The following ADAMTSL1 variants were observed in gnomAD, a reference collection of about 807,000 sequenced individuals.
The protein encoded by ADAMTSL1 is ADAMTS-like protein 1.
Under a neutral mutation model 201.8 loss-of-function variants are expected in ADAMTSL1, and 126 were observed. The observed-to-expected ratio is 0.62, with a 90% CI of 0.54 to 0.72. ADAMTSL1 has a LOEUF of 0.72. Among genes scored for constraint, ADAMTSL1 ranks in the 30% least tolerant of loss-of-function variants. The pLI, the probability that ADAMTSL1 is intolerant of heterozygous loss-of-function variation, is 0.00. For synonymous variants in ADAMTSL1, 1,121 were observed against 903.4 expected (o/e 1.24, Z -4.32); for missense variants, 2,679 against 2,277.8 (o/e 1.18, Z -3.59).
rs1277927773 is a variant in ADAMTSL1, at chr9:18,851,889, T to G, written c.4249+21912T>G. On this transcript the variant is annotated intron_variant, in intron 23 of 28. Coordinates refer to ENST00000380548, the MANE Select transcript of ADAMTSL1 (RefSeq NM_001040272.6). ...TGGTTGAGCCCACTGGCCCAGCTCC[T>G]GAGATTTTATCAGGAAGCTGCTGAT... Among the ~76,000 whole-genome samples the G allele has an allele frequency of 2.6e-5, 4 of 152,318 alleles. No homozygotes were observed. In the East Asian group the frequency reaches 7.7e-4, roughly 29 times the overall value.
chr9:18,292,493 G>A (rs1192303651), intron 2 of ADAMTSL1, among the ~76,000 whole-genome samples: 1 of 152,174 alleles, frequency 6.6e-6, no homozygotes, highest in African/African-American at 2.4e-5. Flanking sequence ...CTGTGAGGGT[G>A]TTGCCAAAGG....
intron 1 of ADAMTSL1, among the ~76,000 whole-genome samples, chr9:18,093,989 C>A (rs180741804): frequency 6.6e-6 from 1 of 152,046 alleles, no homozygotes. Context: ...GGCTCCCAGG[C>A]GGAATTCTAG....
intron 2 of ADAMTSL1, among the ~76,000 whole-genome samples, chr9:18,213,057 A>G (rs969334808): frequency 2.0e-5 from 3 of 152,206 alleles, no homozygotes; most frequent in Non-Finnish European, 4.4e-5. Flanking sequence ...TTAATGCAAG[A>G]CTTGACCATT....
chr9:18,590,465 A>G (rs1176157281), intron 4 of ADAMTSL1, among the ~76,000 whole-genome samples: 2 of 148,204 alleles, frequency 1.3e-5, no homozygotes, highest in Non-Finnish European at 3.0e-5. Context: ...CAAAAACTCA[A>G]CTTTTCGTTT....
chr9:18,468,877 C>T (rs3898100), intron 2 of ADAMTSL1, among the ~76,000 whole-genome samples: 85,643 of 151,990 alleles, frequency 0.56, 24,401 homozygotes, highest in African/African-American at 0.63. Context: ...CATTTGGAGA[C>T]GAATCAGATC....
intron 2 of ADAMTSL1, among the ~76,000 whole-genome samples, chr9:18,210,164 C>T (rs1829808362): frequency 6.6e-6 from 1 of 151,740 alleles, no homozygotes; most frequent in Non-Finnish European, 1.5e-5. Context: ...AGAATGAGCA[C>T]ATACATAGAC....
At chr9:18,349,137 C>T (rs1835851741) in intron 2 of ADAMTSL1, among the ~76,000 whole-genome samples, 3 of 152,144 alleles carry the variant, frequency 2.0e-5, no homozygotes, top group Admixed American at 2.0e-4. Context: ...AACCATCACA[C>T]TGACTGCATT....
At position 18,908,545 on chromosome 9, in the gene ADAMTSL1, G is replaced by T. The variant is rs780077017; in HGVS notation, c.5286G>T (p.Ala1762=). The change falls in exon 29 of 29, where the codon GCG becomes GCT. Residue 1762 remains alanine, a synonymous_variant. Coordinates refer to ENST00000380548, the MANE Select transcript of ADAMTSL1 (RefSeq NM_001040272.6). ...KSRCCGTCGK[A] ...GCTGCTGTGGAACTTGTGGCAAAGC[G>T]TGAAGATAGGGTGTGGGGAAAAACT... 6 of 1,558,638 alleles carry T rather than the reference G, an allele frequency of 3.8e-6. No homozygotes were observed. Among genetic ancestry groups the T allele is most frequent in the Middle Eastern group, 1.7e-4 (1 of 6,002 alleles).
intron 2 of ADAMTSL1, among the ~76,000 whole-genome samples, chr9:18,332,279 C>T (rs1186550997): frequency 6.6e-6 from 1 of 152,056 alleles, no homozygotes; most frequent in Non-Finnish European, 1.5e-5. Context: ...ACTGAGAGTC[C>T]TATAAAGTTT....
intron 2 of ADAMTSL1, among the ~76,000 whole-genome samples, chr9:18,215,807 C>A (rs1182026282): frequency 6.6e-6 from 1 of 152,034 alleles, no homozygotes; most frequent in African/African-American, 2.4e-5. Flanking sequence ...CTCCTGCTGT[C>A]CTCACGGAGA....
intron 2 of ADAMTSL1, among the ~76,000 whole-genome samples, chr9:18,369,816 G>A (rs912956400): frequency 2.4e-4 from 36 of 152,304 alleles, no homozygotes; most frequent in Middle Eastern, 3.4e-3. Context: ...CTATGCAGCC[G>A]TAAGGAAGAA....
At chr9:18,508,167 G>A (rs573649347) in intron 2 of ADAMTSL1, among the ~76,000 whole-genome samples, 5 of 150,448 alleles carry the variant, frequency 3.3e-5, no homozygotes, top group African/African-American at 4.9e-5. Context: ...CCTGGGCGAC[G>A]AGCGAAACTC....
chr9:18,352,293 A>G (rs11793521), intron 2 of ADAMTSL1, among the ~76,000 whole-genome samples: 12,819 of 152,236 alleles, frequency 0.084, 748 homozygotes, highest in Middle Eastern at 0.14. Flanking sequence ...AGGTGTTACT[A>G]TATATGGGGG....
intron 2 of ADAMTSL1, among the ~76,000 whole-genome samples, chr9:18,516,087 C>A (rs866071611): frequency 4.3e-4 from 56 of 131,034 alleles, no homozygotes; most frequent in South Asian, 7.2e-4. Context: ...CCTCAACTAC[C>A]AAAAAAAAAA....
rs180690427 is a variant in ADAMTSL1 at position 18,527,315 on chromosome 9, A to T, written c.192-5932A>T. Among the ~76,000 whole-genome samples, 18 of 152,330 alleles carry T rather than the reference A, an allele frequency of 1.2e-4. 1 individual carries two copies. The East Asian group carries it at 2.9e-3, about 24-fold the overall frequency. ...GGTGCCATGAGCCTAATATAAGTGC[A>T]ATTGTCCTTAAAAACCCAGAAGTGT... On this transcript the variant is annotated intron_variant, in intron 2 of 28. Transcript: ENST00000380548.
At chr9:17,991,640 CT>C (rs949616857) in intron 1 of ADAMTSL1, among the ~76,000 whole-genome samples, 18 of 152,204 alleles carry the variant, frequency 1.2e-4, no homozygotes, top group South Asian at 2.1e-4. Context: ...CCTAAGGACC[CT>C]TTGTATAACA....
chr9:18,768,116 C>T (rs1820468613), intron 16 of ADAMTSL1, among the ~76,000 whole-genome samples: 1 of 152,250 alleles, frequency 6.6e-6, no homozygotes. Flanking sequence ...CATGGGCTGG[C>T]TCCTGCCAGT....
At chr9:18,285,421 C>A (rs1285168323) in intron 2 of ADAMTSL1, among the ~76,000 whole-genome samples, 1 of 151,978 alleles carries the variant, frequency 6.6e-6, no homozygotes, top group African/African-American at 2.4e-5. Flanking sequence ...AAGTCACAAA[C>A]ATTAATAGAG....
intron 2 of ADAMTSL1, among the ~76,000 whole-genome samples, chr9:18,201,948 T>C (rs1829465698): frequency 6.6e-6 from 1 of 152,164 alleles, no homozygotes; most frequent in Non-Finnish European, 1.5e-5. Context: ...GAATTTGGCC[T>C]TTTTCTCAAA....
Sources: gnomAD v4.1 joint callset for allele counts (sites outside exome capture counted in the v4.1 genomes callset) on GRCh38, gnomAD v4.1.1 for gene constraint, MANE v1.5 for transcripts, NCBI Gene and HGNC (gene_info 2026-07-23, HGNC 2026-07-21) for gene names.